LARP4: variants seen among roughly 807,000 people sequenced by gnomAD.
The protein encoded by LARP4 is La ribonucleoprotein 4, also known as la-related protein 4.
LARP4 carries 29 observed loss-of-function variants against 92.9 expected under a neutral mutation model. The observed-to-expected ratio is 0.31, with a 90% confidence interval of 0.23 to 0.43. LARP4 has a LOEUF of 0.43. Ranked by LOEUF, LARP4 falls within the 20% of genes least tolerant of loss-of-function variation. The pLI, the probability that LARP4 is intolerant of heterozygous loss-of-function variation, is 1.00. For synonymous variants in LARP4, 279 were observed against 284.1 expected, an observed-to-expected ratio of 0.98 and a Z score of 0.18; for missense variants, 732 against 860.0, an observed-to-expected ratio of 0.85 and a Z score of 1.86.
intron 12 of LARP4, 150 bp downstream of exon 12, chr12:50,462,780 T>TACC (rs993767513): frequency 3.4e-6 from 2 of 583,518 alleles, no homozygotes; most frequent in Non-Finnish European, 6.0e-6. Flanking sequence ...CTGAAATTTT[T>TACC]ACCACCACCA....
rs114910301 is a variant in LARP4, at chr12:50,463,142, C to T, written c.1383+512C>T. Reference sequence around the variant, plus strand: ...TCCCAGGCTTAAGTGATCCTCCTCTCGAGTCGGGGTCTTGCGGGCCAGGCA... The same window carrying T: ...TCCCAGGCTTAAGTGATCCTCCTCTTGAGTCGGGGTCTTGCGGGCCAGGCA... On this transcript the variant is annotated intron_variant, in intron 12 of 15. Transcript: ENST00000398473. 4.4e-3 allele frequency among the ~76,000 whole-genome samples: 671 copies of T among 151,818 alleles called. 6 individuals carry two copies. The highest frequency in any genetic ancestry group is 0.015 in the African/African-American group (633 of 41,382).
chr12:50,474,345 CT>C (rs1166852986), intron 15 of LARP4, among the ~76,000 whole-genome samples, 178 bp downstream of exon 15: 1 of 151,202 alleles, frequency 6.6e-6, no homozygotes, highest in Non-Finnish European at 1.5e-5. Flanking sequence ...AAGTTTTAGG[CT>C]TTTTTTTGTT....
intron 13 of LARP4, among the ~76,000 whole-genome samples, chr12:50,469,226 C>T (rs979471937): frequency 2.0e-5 from 3 of 152,032 alleles, no homozygotes; most frequent in African/African-American, 4.8e-5. Flanking sequence ...TATTGTGACA[C>T]GTAGTAGTTA....
At chr12:50,418,027 A>T (rs1482753642) in intron 1 of LARP4, among the ~76,000 whole-genome samples, 1 of 152,132 alleles carries the variant, frequency 6.6e-6, no homozygotes, top group African/African-American at 2.4e-5. Flanking sequence ...CGCCCGGCTA[A>T]TTTTTGTATT....
At chr12:50,407,183 G>A (rs1462108382) in intron 1 of LARP4, among the ~76,000 whole-genome samples, 1 of 151,864 alleles carries the variant, frequency 6.6e-6, no homozygotes, top group Non-Finnish European at 1.5e-5. Flanking sequence ...GTACCACCAC[G>A]CCTAGCTATT....
rs1955166524 is a variant in LARP4, at chr12:50,460,437, C to T, written c.1122-698C>T. 2.0e-5 allele frequency among the ~76,000 whole-genome samples: 3 copies of T among 152,144 alleles called. No homozygotes were observed. The South Asian group carries it at 6.2e-4, about 32-fold the overall frequency. On this transcript the variant is annotated intron_variant, in intron 10 of 15. Transcript: ENST00000398473. ...CAAACTCCTGGGCCCAAGCAGTCTT[C>T]TGCCTCAGCCTTCCAAGTAGCTGGG...
chr12:50,453,763 T>G, intron 9 of LARP4, 91 bp downstream of exon 9: 1 of 762,142 alleles, frequency 1.3e-6, no homozygotes. Flanking sequence ...TCATTTATGT[T>G]GACATTGATG....
At chr12:50,409,227 G>T (rs918390004) in intron 1 of LARP4, among the ~76,000 whole-genome samples, 1 of 152,116 alleles carries the variant, frequency 6.6e-6, no homozygotes, top group African/African-American at 2.4e-5. Flanking sequence ...TCTGGGGCCA[G>T]CCTGCCTGGG....
At chr12:50,401,144 A>G (rs1350417614) in intron 1 of LARP4, 116 bp downstream of exon 1, 1 of 1,151,352 alleles carries the variant, frequency 8.7e-7, no homozygotes, top group Non-Finnish European at 1.3e-6. Flanking sequence ...ACCGGCAGAT[A>G]GGCTGACACA....
chr12:50,430,419 G>C, intron 3 of LARP4, 76 bp from the exon 4 acceptor site: 1 of 753,056 alleles, frequency 1.3e-6, no homozygotes, highest in Non-Finnish European at 2.3e-6. Context: ...TGGCTTCTGA[G>C]TACAACAGTA....
chr12:50,473,954 C>G (rs1346431985), intron 14 of LARP4, 45 bp from the exon 15 acceptor site: 2 of 1,533,510 alleles, frequency 1.3e-6, no homozygotes, highest in South Asian at 2.3e-5. Flanking sequence ...CTCAACTGTT[C>G]CTATATGCTA....
Position 50,435,589 on chromosome 12 carries a change from C to T in LARP4, c.500C>T (p.Thr167Ile). 1 of 1,607,036 alleles carries T rather than the reference C, an allele frequency of 6.2e-7. No homozygotes were observed. The highest frequency in any genetic ancestry group is 8.5e-7 in the Non-Finnish European group (1 of 1,174,156). ...VANMEEIKKL[T>I]TDPDLILEVL... ...AACATGGAAGAAATAAAAAAGTTGA[C>T]TACAGACCCTGATCTAATTCTTGAA... is the stretch of plus-strand genomic sequence containing the variant. Residue 167 changes from threonine (T) to isoleucine (I), a missense_variant, in exon 5 of 16, where the codon ACT (threonine) becomes ATT (isoleucine). By Grantham distance (89) the Thr-to-Ile change is moderately conservative. This residue lies in a region of LARP4 where 236 missense variants were observed against 307.6 expected (regional missense o/e 0.77). Coordinates refer to ENST00000398473, the MANE Select transcript of LARP4 (RefSeq NM_052879.5).
chr12:50,430,660 AT>A (rs969346055), intron 4 of LARP4, 90 bp downstream of exon 4: 12,698 of 589,180 alleles, frequency 0.022, no homozygotes, highest in South Asian at 0.026. Flanking sequence ...TATTTAACTA[AT>A]TTTTTTTTTT....
chr12:50,401,309 C>A, intron 1 of LARP4: 1 of 481,948 alleles, frequency 2.1e-6, no homozygotes, highest in Non-Finnish European at 3.8e-6. Context: ...GGGAAAGTGT[C>A]CCATATGGAC....
At chr12:50,417,462 C>G (rs919244576) in intron 1 of LARP4, among the ~76,000 whole-genome samples, 9 of 151,882 alleles carry the variant, frequency 5.9e-5, no homozygotes, top group Non-Finnish European at 8.8e-5. Flanking sequence ...TGTTTGAAAA[C>G]TAGTTGTCTT....
rs1400304178 is a variant in LARP4 at position 50,474,131 on chromosome 12, T to A, written c.1800T>A (p.Asn600Lys). 8 of 1,613,168 alleles carry A rather than the reference T, an allele frequency of 5.0e-6. No homozygotes were observed. Among genetic ancestry groups the A allele is most frequent in the Non-Finnish European group, 8.5e-7 (1 of 1,179,804 alleles). Residue 600 changes from asparagine to lysine, a missense_variant, in exon 15 of 16, where the codon AAT becomes AAA. Physicochemically the swap from Asn to Lys is moderately conservative, Grantham distance 94 (BLOSUM62 0). Coordinates refer to ENST00000398473, the MANE Select transcript of LARP4 (RefSeq NM_052879.5). ...GGGCAAGTACTGCTTCACCATGTAA[T>A]AATAACATAAATGCAGCTACAGCTG... ...PSRASTASPCNNNINAATAVA... is the reference protein window; with the variant it reads ...PSRASTASPCKNNINAATAVA...
chr12:50,414,353 G>T lies in LARP4; in HGVS notation c.18+13325G>T, dbSNP rs1047075393. 2.0e-5 allele frequency among the ~76,000 whole-genome samples: 3 copies of T among 152,144 alleles called. No individual in the cohort carries two copies. In the South Asian group the frequency reaches 6.2e-4, roughly 31 times the overall value. ...GGGTCTTGCTCTGTCATTCAGGCTG[G>T]AGTGCAGTGGCATGATCTTGGCTTA... On this transcript the variant is annotated intron_variant, in intron 1 of 15. Coordinates refer to ENST00000398473, the MANE Select transcript of LARP4 (RefSeq NM_052879.5).
At chr12:50,450,584 C>T (rs187590908) in intron 8 of LARP4, among the ~76,000 whole-genome samples, 93 of 151,982 alleles carry the variant, frequency 6.1e-4, no homozygotes, top group Non-Finnish European at 8.7e-4. Context: ...GAAAAAAATC[C>T]GCCTCCTGGG....
intron 1 of LARP4, among the ~76,000 whole-genome samples, chr12:50,427,268 G>A (rs944962096): frequency 1.3e-5 from 2 of 152,066 alleles, no homozygotes; most frequent in African/African-American, 4.8e-5. Flanking sequence ...TAAAAAATTT[G>A]CTGTAGATGA....
Sources: allele counts gnomAD v4.1 joint callset (sites outside exome capture counted in the v4.1 genomes callset), GRCh38; gene constraint gnomAD v4.1.1; regional missense constraint gnomAD v4.1.1; transcripts MANE v1.5; gene names NCBI Gene and HGNC (gene_info 2026-07-23, HGNC 2026-07-21).